The following PPP2R2D variants were observed in gnomAD, a reference collection of about 807,000 sequenced individuals.
The protein encoded by PPP2R2D is serine/threonine-protein phosphatase 2A 55 kDa regulatory subunit B delta isoform.
PPP2R2D carries 9 observed loss-of-function variants against 31.1 expected under a neutral mutation model. The observed-to-expected ratio is 0.29, with a 90% CI of 0.17 to 0.51. PPP2R2D has a LOEUF of 0.51. PPP2R2D is among the 20% of genes least tolerant of loss of function. The pLI is 0.98. For missense variants in PPP2R2D, 391 were observed against 465.6 expected (o/e 0.84, Z 1.48); for synonymous variants, 179 against 172.6 (o/e 1.04, Z -0.29).
intron 7 of PPP2R2D, among the ~76,000 whole-genome samples, chr10:131,946,493 C>T (rs1238959761): frequency 6.6e-6 from 1 of 152,170 alleles, no homozygotes; most frequent in Non-Finnish European, 1.5e-5. Context: ...GCAGCCTTTT[C>T]GCCTGTTCTC....
intron 2 of PPP2R2D, among the ~76,000 whole-genome samples, chr10:131,922,497 G>A (rs1158079522): frequency 6.6e-6 from 1 of 150,702 alleles, no homozygotes; most frequent in Admixed American, 6.6e-5. Flanking sequence ...CTGTCACCCG[G>A]GCTGGAGTGC....
chr10:131,956,034 A>T lies in PPP2R2D; in HGVS notation c.*71A>T. 7.3e-7 allele frequency: 1 copy of T among 1,366,988 alleles called. No individual in the cohort carries two copies. Among genetic ancestry groups the T allele is most frequent in the Non-Finnish European group, 9.5e-7 (1 of 1,052,784 alleles). 84.7% of individuals were successfully genotyped at this position (1,366,988 alleles called of 1,614,324 possible). ...GACATTTTTCTGTCAGAGAAAAGGCATCATTGTCCGCTCCATTAAGAACAG... is the reference window on the plus strand; with the variant it reads ...GACATTTTTCTGTCAGAGAAAAGGCTTCATTGTCCGCTCCATTAAGAACAG... On this transcript the variant is annotated 3_prime_UTR_variant, in exon 9 of 9. Coordinates refer to ENST00000455566, the MANE Select transcript of PPP2R2D (RefSeq NM_018461.5).
Position 131,956,423 on chromosome 10 carries a change from T to C in PPP2R2D, c.*460T>C. On this transcript the variant is annotated 3_prime_UTR_variant, in exon 9 of 9. Coordinates refer to ENST00000455566, the MANE Select transcript of PPP2R2D (RefSeq NM_018461.5). ...GGCCTTCCTCCGAGTCCAGGTGGAC[T>C]CTGTGGATGTGTGGATGTGGCCCGA... is the stretch of plus-strand genomic sequence containing the variant. The C allele has an allele frequency of 1.0e-6, 1 of 985,848 alleles. No homozygotes were observed. Among genetic ancestry groups the C allele is most frequent in the Non-Finnish European group, 1.2e-6 (1 of 830,232 alleles). 61.1% of individuals were successfully genotyped at this position (985,848 alleles called of 1,614,324 possible).
Position 131,945,370 on chromosome 10 carries a change from A to G in PPP2R2D, c.731A>G (p.Gln244Arg), listed in dbSNP as rs2036517544. Reference protein sequence around the residue: ...VITAAEFHPHQCNVFVYSSSK... With the variant: ...VITAAEFHPHRCNVFVYSSSK... Reference sequence around the variant, plus strand: ...ACTGCAGCCGAGTTCCACCCGCACCAGTGCAACGTGTTCGTCTACAGCAGT... The same window carrying G: ...ACTGCAGCCGAGTTCCACCCGCACCGGTGCAACGTGTTCGTCTACAGCAGT... The change falls in exon 7 of 9, where the codon CAG (glutamine) becomes CGG (arginine). Residue 244 changes from glutamine to arginine, a missense_variant. Physicochemically the swap from Gln to Arg is conservative, Grantham distance 43 (BLOSUM62 1). Around this residue, in one of 3 missense-constraint regions of PPP2R2D, gnomAD observed 123 missense variants for 187.7 expected, o/e 0.66. Coordinates refer to ENST00000455566, the MANE Select transcript of PPP2R2D (RefSeq NM_018461.5). This position sits in a 1 kb window ranked among gnomAD's most constrained non-coding sequence, Gnocchi z 4.8. The G allele has an allele frequency of 1.2e-6, 2 of 1,614,208 alleles. No homozygotes were observed. Among genetic ancestry groups the G allele is most frequent in the Non-Finnish European group, 1.7e-6 (2 of 1,180,026 alleles).
intron 3 of PPP2R2D, 118 bp from the exon 4 acceptor site, chr10:131,939,913 G>A: frequency 5.0e-6 from 2 of 402,014 alleles, no homozygotes; most frequent in Non-Finnish European, 9.1e-6. Context: ...ATTTTTTTGA[G>A]CCAGGATTTT....
chr10:131,914,224 C>T (rs1554892754), intron 2 of PPP2R2D, among the ~76,000 whole-genome samples: 2 of 152,054 alleles, frequency 1.3e-5, no homozygotes, highest in African/African-American at 2.4e-5. Context: ...AAGATATGAC[C>T]GGCCTCACAC....
At chr10:131,906,231 G>A (rs1050461327) in intron 2 of PPP2R2D, among the ~76,000 whole-genome samples, 4 of 152,170 alleles carry the variant, frequency 2.6e-5, no homozygotes, top group Non-Finnish European at 4.4e-5. Context: ...GGGAGGGGTT[G>A]GGGGAGGAGG....
downstream of PPP2R2D, among the ~76,000 whole-genome samples, chr10:131,963,688 G>A (rs753681802): frequency 9.9e-5 from 15 of 152,222 alleles, no homozygotes; most frequent in Non-Finnish European, 2.1e-4. Flanking sequence ...CAGGCAGCGC[G>A]CTGACACCCC....
chr10:131,962,992 G>A (rs567945831), downstream of PPP2R2D, among the ~76,000 whole-genome samples: 70 of 152,242 alleles, frequency 4.6e-4, no homozygotes, highest in Non-Finnish European at 7.2e-4. Context: ...GTGAAACCCC[G>A]TCTCTACTAA....
intron 2 of PPP2R2D, among the ~76,000 whole-genome samples, chr10:131,932,146 C>A (rs1316013315): frequency 6.6e-6 from 1 of 152,106 alleles, no homozygotes; most frequent in Non-Finnish European, 1.5e-5. Flanking sequence ...GGACACTTTG[C>A]GGATTTGATG....
chr10:131,945,641 G>T lies in PPP2R2D; in HGVS notation c.820+182G>T. 1.5e-6 allele frequency: 1 copy of T among 671,510 alleles called. No homozygotes were observed. The highest frequency in any genetic ancestry group is 2.4e-6 in the Non-Finnish European group (1 of 408,574). 41.6% of individuals were successfully genotyped at this position (671,510 alleles called of 1,614,324 possible). On this transcript the variant is annotated intron_variant, in intron 7 of 8. Transcript: ENST00000455566. This position sits in a 1 kb window ranked among gnomAD's most constrained non-coding sequence, Gnocchi z 4.8. Reference sequence around the variant, plus strand: ...TGCCCAGCTAGTTTTTGTATTTTTAGTACAGACAGGGTTTCACCATGTTGA... The same window carrying T: ...TGCCCAGCTAGTTTTTGTATTTTTATTACAGACAGGGTTTCACCATGTTGA...
chr10:131,927,497 T>G (rs1466249274), intron 2 of PPP2R2D, among the ~76,000 whole-genome samples: 1 of 152,148 alleles, frequency 6.6e-6, no homozygotes, highest in Non-Finnish European at 1.5e-5. Flanking sequence ...TGCTTGGGCC[T>G]GAAGTCAGCG....
rs782651908 is a variant in PPP2R2D, at chr10:131,947,708, G to C, written c.999G>C (p.Glu333Asp). 1 of 1,614,202 alleles carries C rather than the reference G, an allele frequency of 6.2e-7. No individual in the cohort carries two copies. Among genetic ancestry groups the C allele is most frequent in the South Asian group, 1.1e-5 (1 of 91,084 alleles). ...SRPVETHQVHEYLRSKLCSLY... is the reference protein window; with the variant it reads ...SRPVETHQVHDYLRSKLCSLY... ...CGGTGGAGACCCACCAGGTCCACGA[G>C]TACCTGCGCAGCAAGCTCTGCTCTC... The change falls in exon 8 of 9, where the codon GAG (glutamate) becomes GAC (aspartate). Residue 333 changes from glutamate to aspartate, a missense_variant. Around this residue, in one of 3 missense-constraint regions of PPP2R2D, gnomAD observed 163 missense variants for 179.5 expected, o/e 0.91. Coordinates refer to ENST00000455566, the MANE Select transcript of PPP2R2D (RefSeq NM_018461.5). The surrounding 1 kb of genome is among the most constrained non-coding windows in gnomAD (Gnocchi z 4.3).
intron 2 of PPP2R2D, among the ~76,000 whole-genome samples, chr10:131,919,970 G>T (rs1290622478): frequency 6.7e-6 from 1 of 149,110 alleles, no homozygotes; most frequent in South Asian, 2.2e-4. Flanking sequence ...CACAGTGTTT[G>T]TAGGGTCCTC....
intron 8 of PPP2R2D, among the ~76,000 whole-genome samples, chr10:131,954,191 T>A (rs1418043173): frequency 6.6e-6 from 1 of 152,260 alleles, no homozygotes; most frequent in Non-Finnish European, 1.5e-5. Context: ...ACTCTGGGGC[T>A]GGCACTATCT....
chr10:131,956,324 A>G lies in PPP2R2D; in HGVS notation c.*361A>G. ...TATTGTCAGATACCGCTCTTTCTCC[A>G]ACTTTCCCTCTTTCTCTGCCATCAC... On this transcript the variant is annotated 3_prime_UTR_variant, in exon 9 of 9. Coordinates refer to ENST00000455566, the MANE Select transcript of PPP2R2D (RefSeq NM_018461.5). The G allele has an allele frequency of 1.0e-6, 1 of 996,514 alleles. No homozygotes were observed. Among genetic ancestry groups the G allele is most frequent in the Non-Finnish European group, 1.2e-6 (1 of 837,578 alleles). 61.7% of individuals were successfully genotyped at this position (996,514 alleles called of 1,614,324 possible).
intron 2 of PPP2R2D, among the ~76,000 whole-genome samples, chr10:131,917,225 T>C (rs1554893292): frequency 5.0e-4 from 65 of 130,760 alleles, no homozygotes; most frequent in African/African-American, 7.2e-4. Context: ...TGTAGGGACC[T>C]CAGGCGGGTG....
intron 2 of PPP2R2D, among the ~76,000 whole-genome samples, chr10:131,916,627 A>G (rs1365582421): frequency 6.6e-6 from 1 of 151,682 alleles, no homozygotes; most frequent in African/African-American, 2.4e-5. Flanking sequence ...GTGGAATGAC[A>G]CAGCGTTTGT....
At chr10:131,906,458 C>T (rs976634399) in intron 2 of PPP2R2D, among the ~76,000 whole-genome samples, 234 of 152,242 alleles carry the variant, frequency 1.5e-3, no homozygotes, top group African/African-American at 5.1e-3. Flanking sequence ...TTAAGTCAAG[C>T]TTGAGTCTGG....
Sources: allele counts gnomAD v4.1 joint callset (sites outside exome capture counted in the v4.1 genomes callset), GRCh38; gene constraint gnomAD v4.1.1; regional missense constraint gnomAD v4.1.1; non-coding constraint Gnocchi (gnomAD v3.1); transcripts MANE v1.5; gene names NCBI Gene and HGNC (gene_info 2026-07-23, HGNC 2026-07-21).